Variants in GRIK4 observed in about 807,000 individuals in gnomAD.
GRIK4 encodes glutamate ionotropic receptor kainate type subunit 4, also known as glutamate receptor ionotropic, kainate 4.
A neutral mutation model predicts 104.9 loss-of-function variants in GRIK4; 40 were observed. The observed-to-expected ratio is 0.38, with a 90% confidence interval of 0.30 to 0.50. The LOEUF (loss-of-function observed/expected upper bound fraction) is 0.50, where lower values mean the gene tolerates loss of function less well. GRIK4 is among the 20% of genes least tolerant of loss of function. GRIK4 has a pLI of 0.93. For synonymous variants in GRIK4, 485 were observed against 524.9 expected (o/e 0.92, Z 1.04); for missense variants, 1,047 against 1,308.1 (o/e 0.80, Z 3.08).
chr11:120,772,053 A>G (rs1005821648), intron 3 of GRIK4, among the ~76,000 whole-genome samples: 1 of 152,202 alleles, frequency 6.6e-6, no homozygotes, highest in Non-Finnish European at 1.5e-5. Flanking sequence ...AGCCAAAAGG[A>G]CAGGACTGCC....
rs771449360 is a variant in GRIK4, at chr11:120,831,945, C to T, written c.605C>T (p.Pro202Leu). The T allele has an allele frequency of 4.4e-5, 71 of 1,613,806 alleles. No homozygotes were observed. The highest frequency in any genetic ancestry group is 3.3e-4 in the Middle Eastern group (2 of 6,072). Residue 202 changes from proline (P) to leucine (L), a missense_variant, in exon 7 of 21, where the codon CCG (proline) becomes CTG (leucine). Transcript: ENST00000527524. ...RMLDDTRDPT[P>L]LLKEIRDDKT... ...CTGGATGACACCCGGGACCCCACCC[C>T]GCTCCTCAAGGAGATCCGGGACGAC...
chr11:120,668,514 G>GT (rs1949962164), intron 3 of GRIK4, among the ~76,000 whole-genome samples: 2 of 152,218 alleles, frequency 1.3e-5, no homozygotes, highest in Non-Finnish European at 2.9e-5. Flanking sequence ...CACTCCCTGT[G>GT]TTTCAGGTGG....
At position 120,956,992 on chromosome 11, in the gene GRIK4, T is replaced by C. The variant is rs1449393900; in HGVS notation, c.1874+39T>C. The C allele has an allele frequency of 2.0e-6, 3 of 1,525,474 alleles. No homozygotes were observed. The South Asian group carries it at 3.8e-5, about 19-fold the overall frequency. The allele number at this position is 1,525,474 out of a possible 1,614,324, so 94.5% of individuals were successfully genotyped here. A position where few individuals can be genotyped will look rare whatever the true frequency, so the allele number is the denominator to read the frequency against. On this transcript the variant is annotated intron_variant, in intron 16 of 20. Coordinates refer to ENST00000527524, the MANE Select transcript of GRIK4 (RefSeq NM_014619.5). This position sits in a 1 kb window ranked among gnomAD's most constrained non-coding sequence, Gnocchi z 4.6. ...CAGAGGTGAACCAGGCCAGGTGGGG[T>C]GGGGACACAAAAGGGGCCCTCTGAT...
chr11:120,610,420 A>G (rs1168985912), intron 1 of GRIK4, among the ~76,000 whole-genome samples: 2 of 152,126 alleles, frequency 1.3e-5, no homozygotes, highest in Non-Finnish European at 2.9e-5. Flanking sequence ...CTGGATGCCA[A>G]CCCCCTAAGC....
chr11:120,639,505 C>T (rs913210722), intron 1 of GRIK4, among the ~76,000 whole-genome samples: 5 of 152,210 alleles, frequency 3.3e-5, no homozygotes, highest in Admixed American at 6.5e-5. Flanking sequence ...TCCCCTGTCT[C>T]GCAGTCTCTC....
intron 3 of GRIK4, among the ~76,000 whole-genome samples, chr11:120,765,876 A>C (rs754024442): frequency 1.3e-5 from 2 of 152,192 alleles, no homozygotes; most frequent in Non-Finnish European, 2.9e-5. Context: ...CTCCTGTATG[A>C]GGTGTCTGTC....
chr11:120,957,069 C>A, intron 16 of GRIK4, 116 bp downstream of exon 16: 1 of 891,248 alleles, frequency 1.1e-6, no homozygotes, highest in Non-Finnish European at 1.6e-6. Context: ...TACAGCAGAC[C>A]CACGCAGGAA....
chr11:120,845,870 G>C (rs1185265876), intron 8 of GRIK4, among the ~76,000 whole-genome samples: 1 of 152,200 alleles, frequency 6.6e-6, no homozygotes, highest in Admixed American at 6.5e-5. Flanking sequence ...CTAGAAAAAA[G>C]AGTGATGGAG....
intron 5 of GRIK4, among the ~76,000 whole-genome samples, chr11:120,818,541 A>G (rs1372016707): frequency 1.3e-5 from 2 of 152,210 alleles, no homozygotes; most frequent in Non-Finnish European, 2.9e-5. Flanking sequence ...TTAAAGGCTA[A>G]TCCTAGTTGA....
At chr11:120,582,847 G>A (rs947750287) in intron 1 of GRIK4, among the ~76,000 whole-genome samples, 1 of 152,188 alleles carries the variant, frequency 6.6e-6, no homozygotes, top group Non-Finnish European at 1.5e-5. Context: ...CTTTATGGTA[G>A]AAAAATGTAT....
intron 7 of GRIK4, among the ~76,000 whole-genome samples, chr11:120,833,430 G>A (rs190865730): frequency 6.6e-6 from 1 of 152,160 alleles, no homozygotes; most frequent in African/African-American, 2.4e-5. Context: ...CGAGAGGAGA[G>A]GGGCCCTCTT....
chr11:120,742,148 C>A (rs1282689543), intron 3 of GRIK4, among the ~76,000 whole-genome samples: 2 of 152,042 alleles, frequency 1.3e-5, no homozygotes, highest in African/African-American at 4.8e-5. Flanking sequence ...GAGTTCAAGA[C>A]CAGCCTGGCC....
chr11:120,973,216 C>T (rs187374227), intron 19 of GRIK4, among the ~76,000 whole-genome samples: 3 of 152,194 alleles, frequency 2.0e-5, no homozygotes, highest in Admixed American at 1.3e-4. Flanking sequence ...GAAACAGTTC[C>T]GCATCCACAG....
chr11:120,712,447 G>A (rs1950752169), intron 3 of GRIK4, among the ~76,000 whole-genome samples: 1 of 152,050 alleles, frequency 6.6e-6, no homozygotes, highest in Non-Finnish European at 1.5e-5. Flanking sequence ...TTGCCTTCCA[G>A]AGGCAGTGTC....
intron 8 of GRIK4, among the ~76,000 whole-genome samples, chr11:120,838,214 C>G (rs1451287648): frequency 6.6e-6 from 1 of 152,136 alleles, no homozygotes; most frequent in Admixed American, 6.5e-5. Flanking sequence ...AGAGTCAAGT[C>G]CTGACTCAGC....
intron 3 of GRIK4, among the ~76,000 whole-genome samples, chr11:120,702,513 G>T (rs937332620): frequency 6.6e-6 from 1 of 152,174 alleles, no homozygotes; most frequent in African/African-American, 2.4e-5. Context: ...CACGAGACTG[G>T]GTTTGTACAG....
intron 1 of GRIK4, among the ~76,000 whole-genome samples, chr11:120,581,581 G>A (rs1245836511): frequency 2.6e-5 from 4 of 151,862 alleles, no homozygotes; most frequent in South Asian, 2.1e-4. Context: ...TCTTCCCCTC[G>A]GTTCCTAGAG....
At chr11:120,754,384 T>G (rs1951616776) in intron 3 of GRIK4, among the ~76,000 whole-genome samples, 1 of 152,212 alleles carries the variant, frequency 6.6e-6, no homozygotes. Context: ...CATGGCATAA[T>G]GTGTTCAAGG....
At chr11:120,520,181 C>T (rs1947780074) in intron 1 of GRIK4, among the ~76,000 whole-genome samples, 1 of 152,184 alleles carries the variant, frequency 6.6e-6, no homozygotes, top group African/African-American at 2.4e-5. Flanking sequence ...GCATGAGCCA[C>T]TGCGCCCAGC....
Sources: gnomAD v4.1 joint callset for allele counts (sites outside exome capture counted in the v4.1 genomes callset) on GRCh38, gnomAD v4.1.1 for gene constraint, Gnocchi (gnomAD v3.1) non-coding constraint, MANE v1.5 for transcripts, NCBI Gene and HGNC (gene_info 2026-07-23, HGNC 2026-07-21) for gene names.